The following ASXL1 variants were observed in gnomAD, a reference collection of about 807,000 sequenced individuals.
The protein encoded by ASXL1 is ASXL transcriptional regulator 1, also known as polycomb group protein ASXL1.
In ASXL1, 65 loss-of-function variants were observed where a neutral mutation model predicts 89.1. That is an observed-to-expected ratio of 0.73 (90% CI 0.60 to 0.90). The LOEUF is 0.90. Among genes scored for constraint, ASXL1 ranks in the 40% least tolerant of loss-of-function variants. ASXL1 has a pLI of 0.00. For missense variants in ASXL1, 1,786 were observed against 1,942.9 expected (o/e 0.92, Z 1.52); for synonymous variants, 739 against 746.9 (o/e 0.99, Z 0.17).
chr20:32,422,242 G>A (rs1054926665), intron 4 of ASXL1, among the ~76,000 whole-genome samples: 1 of 150,544 alleles, frequency 6.6e-6, no homozygotes, highest in Non-Finnish European at 1.5e-5. Flanking sequence ...TGGGGGTGTT[G>A]GAAATGTTCT....
At chr20:32,376,629 A>ACAC (rs1390975187) in intron 4 of ASXL1, among the ~76,000 whole-genome samples, 2 of 151,914 alleles carry the variant, frequency 1.3e-5, no homozygotes, top group African/African-American at 4.8e-5. Flanking sequence ...GGTAGTAGTG[A>ACAC]CACCTTTGAA....
chr20:32,382,659 G>A (rs1427362023), intron 4 of ASXL1, among the ~76,000 whole-genome samples: 1 of 151,198 alleles, frequency 6.6e-6, no homozygotes, highest in Admixed American at 6.6e-5. Context: ...GGTGGCTCAT[G>A]CCTGTGTTCC....
rs369954836 is a variant in ASXL1, at chr20:32,366,351, C to T, written c.58-33C>T. The T allele has an allele frequency of 1.7e-5, 26 of 1,548,958 alleles. 1 individual carries two copies. The African/African-American group carries it at 2.7e-4, about 16-fold the overall frequency. ...GATGGATGGATATAAATGGAAATTG[C>T]ACACTGAAATTAGGACGTTTATATT... On this transcript the variant is annotated intron_variant, in intron 1 of 12. Coordinates refer to ENST00000375687, the MANE Select transcript of ASXL1 (RefSeq NM_015338.6).
chr20:32,386,583 G>A (rs1465914594), intron 4 of ASXL1, among the ~76,000 whole-genome samples: 1 of 151,770 alleles, frequency 6.6e-6, no homozygotes, highest in Admixed American at 6.6e-5. Context: ...ATGCCCAGCT[G>A]TTTTTTGTAT....
At chr20:32,377,775 C>T (rs1049291144) in intron 4 of ASXL1, among the ~76,000 whole-genome samples, 1 of 151,274 alleles carries the variant, frequency 6.6e-6, no homozygotes, top group Non-Finnish European at 1.5e-5. Context: ...ACCTCAGCCT[C>T]CTGCGTAGCT....
rs2048048200 is a variant in ASXL1, at chr20:32,358,453, G to C, written c.-323G>C. On this transcript the variant is annotated 5_prime_UTR_variant, in exon 1 of 13. Coordinates refer to ENST00000375687, the MANE Select transcript of ASXL1 (RefSeq NM_015338.6). ...AGTCCCTCAGCAGAGCGGGAAAGCG[G>C]AGGCCGGAGCCGTGACCTCTGACCC... 4.3e-6 allele frequency: 1 copy of C among 232,172 alleles called. No individual in the cohort carries two copies. Among genetic ancestry groups the C allele is most frequent in the African/African-American group, 2.2e-5 (1 of 45,202 alleles). The allele number at this position is 232,172 out of a possible 1,614,324, so 14.4% of individuals were successfully genotyped here. A position where few individuals can be genotyped will look rare whatever the true frequency, so the allele number is the denominator to read the frequency against.
chr20:32,385,400 C>T (rs761223736), intron 4 of ASXL1, among the ~76,000 whole-genome samples: 20 of 152,174 alleles, frequency 1.3e-4, no homozygotes, highest in Non-Finnish European at 2.5e-4. Flanking sequence ...TTAATTTGTA[C>T]ATCATGAGAG....
At position 32,434,646 on chromosome 20, in the gene ASXL1, G is replaced by A; in HGVS notation, c.1934G>A (p.Gly645Asp). 7 of 1,605,250 alleles carry A rather than the reference G, an allele frequency of 4.4e-6. No homozygotes were observed. The highest frequency in any genetic ancestry group is 6.0e-6 in the Non-Finnish European group (7 of 1,175,748). The change falls in exon 13 of 13, where the codon GGT (glycine) becomes GAT (aspartate). Residue 645 changes from glycine (G) to aspartate (D), a missense_variant. Gly to Asp is a moderately conservative substitution (Grantham distance 94). Coordinates refer to ENST00000375687, the MANE Select transcript of ASXL1 (RefSeq NM_015338.6). ...EAATTAIGGGGGPGGGGGGAT... is the reference protein window; with the variant it reads ...EAATTAIGGGDGPGGGGGGAT... Reference sequence around the variant, plus strand: ...GCCACCACTGCCATCGGAGGGGGGGGTGGCCCGGGTGGAGGTGGCGGCGGG... The same window carrying A: ...GCCACCACTGCCATCGGAGGGGGGGATGGCCCGGGTGGAGGTGGCGGCGGG...
In ASXL1 at chr20:32,435,742, G is replaced by T. The variant is rs771376850; in HGVS notation, c.3030G>T (p.Thr1010=). 1.9e-6 allele frequency: 3 copies of T among 1,614,092 alleles called. No individual in the cohort carries two copies. The highest frequency in any genetic ancestry group is 1.3e-5 in the African/African-American group (1 of 74,930). The change falls in exon 13 of 13, where the codon ACG becomes ACT. Residue 1010 remains threonine, a synonymous_variant. Transcript: ENST00000375687. ...CCTCTGACTTTGAAGGTCACCTCAC[G>T]GAGGACAGCAGTGAGGCTGACACTA... is the stretch of plus-strand genomic sequence containing the variant. The part of the protein sequence containing the change: ...DTASDFEGHL[T]EDSSEADTRE...
chr20:32,432,447 G>A, intron 10 of ASXL1: 1 of 203,588 alleles, frequency 4.9e-6, no homozygotes, highest in Non-Finnish European at 1.0e-5. Flanking sequence ...AAGGAAGGCA[G>A]GTGTTCAGCA....
Position 32,398,143 on chromosome 20 carries a change from TAAATG to T in ASXL1, c.252+29023_252+29027del. On this transcript the variant is annotated intron_variant, in intron 4 of 12. Transcript: ENST00000375687. ...TACATTTAAAATTCATTCATGTTGT[TAAATG>T]AATCAATAGGTTGTTTCTCTTTTAA... Among the ~76,000 whole-genome samples the T allele has an allele frequency of 2.0e-5, 3 of 152,366 alleles. No homozygotes were observed. In the Middle Eastern group the frequency reaches 0.01, roughly 518 times the overall value.
chr20:32,406,185 A>G (rs1269275129), intron 4 of ASXL1, among the ~76,000 whole-genome samples: 1 of 152,168 alleles, frequency 6.6e-6, no homozygotes, highest in Admixed American at 6.6e-5. Context: ...GCTTACCCCA[A>G]TAATACAAGT....
At position 32,360,025 on chromosome 20, in the gene ASXL1, C is replaced by G. The variant is rs1320553301; in HGVS notation, c.57+1193C>G. The G allele has an allele frequency of 7.5e-6, 4 of 536,722 alleles. No individual in the cohort carries two copies. The East Asian group carries it at 1.2e-4, about 16-fold the overall frequency. 33.2% of individuals were successfully genotyped at this position (536,722 alleles called of 1,614,324 possible). A position where few individuals can be genotyped will look rare whatever the true frequency, so the allele number is the denominator to read the frequency against. ...GAGTGAAGCTCAGACTTAATTTTCT[C>G]TCTTATTTTGAAGTGAGTTTTCTGC... On this transcript the variant is annotated intron_variant, in intron 1 of 12. Transcript: ENST00000375687.
Position 32,436,526 on chromosome 20 carries a change from C to A in ASXL1, c.3814C>A (p.Pro1272Thr), listed in dbSNP as rs542860516. Residue 1272 changes from proline (P) to threonine (T), a missense_variant, in exon 13 of 13, where the codon CCT (proline) becomes ACT (threonine). By Grantham distance (38) the Pro-to-Thr change is conservative. This residue lies in a region of ASXL1 where 1,418 missense variants were observed against 1,427.8 expected (regional missense o/e 0.99). Transcript: ENST00000375687. ...SPGDLTTSRTPRFSSPNVISF... is the reference protein window; with the variant it reads ...SPGDLTTSRTTRFSSPNVISF... ...AGGAGATCTTACTACCTCGAGAACA[C>A]CTCGTTTCTCATCTCCAAATGTGAT... 2 of 1,614,128 alleles carry A rather than the reference C, an allele frequency of 1.2e-6. No homozygotes were observed. Among genetic ancestry groups the A allele is most frequent in the Admixed American group, 3.3e-5 (2 of 60,012 alleles).
chr20:32,392,206 C>A (rs2048684489), intron 4 of ASXL1, among the ~76,000 whole-genome samples: 1 of 151,714 alleles, frequency 6.6e-6, no homozygotes, highest in African/African-American at 2.4e-5. Flanking sequence ...CCTCTAACTT[C>A]TGGGCTCAAG....
intron 3 of ASXL1, among the ~76,000 whole-genome samples, chr20:32,368,569 A>G (rs1297815427): frequency 6.6e-6 from 1 of 152,200 alleles, no homozygotes; most frequent in East Asian, 1.9e-4. Context: ...TTATTGGCAC[A>G]GCACCATTGA....
At chr20:32,363,806 C>T (rs987385393) in intron 1 of ASXL1, among the ~76,000 whole-genome samples, 2 of 151,898 alleles carry the variant, frequency 1.3e-5, no homozygotes, top group Non-Finnish European at 2.9e-5. Flanking sequence ...GAGAAAGAGT[C>T]AGAGTGGGTG....
At chr20:32,384,491 C>T (rs1040134883) in intron 4 of ASXL1, among the ~76,000 whole-genome samples, 8 of 152,290 alleles carry the variant, frequency 5.3e-5, no homozygotes, top group South Asian at 2.1e-4. Context: ...CCACCGTGCC[C>T]GGCCAGCAAT....
chr20:32,390,009 A>G (rs1401199906), intron 4 of ASXL1, among the ~76,000 whole-genome samples: 1 of 152,248 alleles, frequency 6.6e-6, no homozygotes, highest in Non-Finnish European at 1.5e-5. Flanking sequence ...CAATTATCCT[A>G]GTACAGATGG....
Sources: gnomAD v4.1 joint callset for allele counts (sites outside exome capture counted in the v4.1 genomes callset) on GRCh38, gnomAD v4.1.1 for gene constraint, gnomAD v4.1.1 regional missense constraint, MANE v1.5 for transcripts, NCBI Gene and HGNC (gene_info 2026-07-23, HGNC 2026-07-21) for gene names.